Variants in MCTP1 observed in about 807,000 individuals in gnomAD.
MCTP1 encodes the protein multiple C2 and transmembrane domain containing 1, also known as multiple C2 and transmembrane domain-containing protein 1.
Under a neutral mutation model 120.6 loss-of-function variants are expected in MCTP1, and 69 were observed. The observed-to-expected ratio is 0.57, with a 90% CI of 0.47 to 0.70. MCTP1 has a LOEUF of 0.70. Among genes scored for constraint, MCTP1 ranks in the 30% least tolerant of loss-of-function variants. The pLI is 0.00. For missense variants in MCTP1, 1,203 were observed against 1,248.8 expected (o/e 0.96, Z 0.55); for synonymous variants, 529 against 493.1 (o/e 1.07, Z -0.96).
chr5:95,031,694 C>G (rs1840333619), intron 1 of MCTP1, among the ~76,000 whole-genome samples: 1 of 152,012 alleles, frequency 6.6e-6, no homozygotes, highest in Admixed American at 6.6e-5. Flanking sequence ...CAGTTAAGTA[C>G]AAGGCTCGGC....
intron 1 of MCTP1, among the ~76,000 whole-genome samples, chr5:95,112,145 G>A (rs1227736170): frequency 6.6e-6 from 1 of 152,122 alleles, no homozygotes; most frequent in Non-Finnish European, 1.5e-5. Context: ...TAATACAGAA[G>A]AGGATACCAC....
intron 2 of MCTP1, among the ~76,000 whole-genome samples, chr5:94,958,668 A>G (rs146634801): frequency 0.015 from 2,299 of 152,326 alleles, 61 homozygotes; most frequent in African/African-American, 0.053. Context: ...TAGAAAATCT[A>G]GAAGAAATGG....
chr5:94,855,724 A>G (rs1008542584), intron 17 of MCTP1, among the ~76,000 whole-genome samples: 1 of 151,706 alleles, frequency 6.6e-6, no homozygotes, highest in Non-Finnish European at 1.5e-5. Flanking sequence ...TGTGAACAAA[A>G]CCATGACGTA....
intron 5 of MCTP1, among the ~76,000 whole-genome samples, chr5:94,937,678 A>C (rs1816524986): frequency 6.6e-6 from 1 of 152,064 alleles, no homozygotes. Flanking sequence ...CTGTGCTGTC[A>C]TATTTCTGTG....
At chr5:94,785,842 C>T (rs1211618433) in intron 18 of MCTP1, among the ~76,000 whole-genome samples, 3 of 152,200 alleles carry the variant, frequency 2.0e-5, no homozygotes, top group Non-Finnish European at 4.4e-5. Flanking sequence ...TAAAGAGTAG[C>T]ATGTCCTGCA....
intron 1 of MCTP1, among the ~76,000 whole-genome samples, chr5:95,200,761 G>T (rs1750917427): frequency 6.6e-6 from 1 of 152,164 alleles, no homozygotes; most frequent in African/African-American, 2.4e-5. Flanking sequence ...TAATAACAAT[G>T]TATTGTGTTT....
chr5:94,857,202 T>A (rs1263553016), intron 17 of MCTP1, among the ~76,000 whole-genome samples: 1 of 151,708 alleles, frequency 6.6e-6, no homozygotes, highest in African/African-American at 2.4e-5. Context: ...GCTGCTGAAG[T>A]CATCTGAGTC....
intron 5 of MCTP1, 89 bp downstream of exon 5, chr5:94,939,995 G>T: frequency 1.5e-6 from 1 of 651,700 alleles, no homozygotes; most frequent in Non-Finnish European, 2.6e-6. Flanking sequence ...TTCATAGGCA[G>T]CTTCTCTTTA....
At chr5:94,928,903 A>G (rs976037593) in intron 6 of MCTP1, among the ~76,000 whole-genome samples, 1 of 152,116 alleles carries the variant, frequency 6.6e-6, no homozygotes, top group African/African-American at 2.4e-5. Context: ...CAAGCTGGCG[A>G]TTCTTCTTTT....
At chr5:95,231,402 A>G (rs1283336801) in intron 1 of MCTP1, among the ~76,000 whole-genome samples, 2 of 152,178 alleles carry the variant, frequency 1.3e-5, no homozygotes, top group African/African-American at 4.8e-5. Context: ...CAGGAATCAG[A>G]TTTACCTTCC....
At chr5:94,980,042 A>G (rs1170064518) in intron 2 of MCTP1, among the ~76,000 whole-genome samples, 1 of 152,164 alleles carries the variant, frequency 6.6e-6, no homozygotes, top group Non-Finnish European at 1.5e-5. Flanking sequence ...AGTGATCAAC[A>G]GTTTACTCCA....
At chr5:95,157,992 C>G (rs1475739538) in intron 1 of MCTP1, among the ~76,000 whole-genome samples, 1 of 152,168 alleles carries the variant, frequency 6.6e-6, no homozygotes, top group Non-Finnish European at 1.5e-5. Flanking sequence ...CATTAAAAAT[C>G]AGTGTTTAGT....
At chr5:95,191,035 C>T (rs1278287757) in intron 1 of MCTP1, among the ~76,000 whole-genome samples, 2 of 151,996 alleles carry the variant, frequency 1.3e-5, no homozygotes, top group African/African-American at 4.8e-5. Context: ...TATGAATTCT[C>T]ATGACCTTAT....
chr5:95,227,737 C>T (rs1187170991), intron 1 of MCTP1, among the ~76,000 whole-genome samples: 1 of 152,074 alleles, frequency 6.6e-6, no homozygotes, highest in Admixed American at 6.5e-5. Flanking sequence ...ACATGTCATA[C>T]TACTTTTTTA....
chr5:95,131,523 C>A (rs1267393752), intron 1 of MCTP1, among the ~76,000 whole-genome samples: 1 of 152,052 alleles, frequency 6.6e-6, no homozygotes, highest in Non-Finnish European at 1.5e-5. Flanking sequence ...AAAGGATGGG[C>A]CAGGTTTTGG....
intron 19 of MCTP1, among the ~76,000 whole-genome samples, chr5:94,753,475 G>A (rs1405019631): frequency 6.6e-6 from 1 of 152,108 alleles, no homozygotes; most frequent in Non-Finnish European, 1.5e-5. Flanking sequence ...ATCGTGTAAA[G>A]GTTGTTTTAG....
intron 1 of MCTP1, among the ~76,000 whole-genome samples, chr5:95,091,835 T>C (rs182606442): frequency 6.6e-5 from 10 of 152,240 alleles, no homozygotes; most frequent in Admixed American, 6.5e-4. Context: ...ATAACAATAG[T>C]AGCCAGTACA....
intron 1 of MCTP1, among the ~76,000 whole-genome samples, chr5:95,058,666 G>T (rs1748087563): frequency 6.6e-6 from 1 of 152,142 alleles, no homozygotes; most frequent in South Asian, 2.1e-4. Context: ...AATGGAAGAG[G>T]TATGGATAAA....
intron 1 of MCTP1, among the ~76,000 whole-genome samples, chr5:95,254,648 C>T (rs1757699399): frequency 1.3e-5 from 2 of 152,062 alleles, no homozygotes; most frequent in African/African-American, 2.4e-5. Context: ...TGTTAAGATG[C>T]TCAAAATAAA....
Sources: allele counts gnomAD v4.1 joint callset (sites outside exome capture counted in the v4.1 genomes callset), GRCh38; gene constraint gnomAD v4.1.1; transcripts MANE v1.5; gene names NCBI Gene and HGNC (gene_info 2026-07-23, HGNC 2026-07-21).